ADGRL2: variants seen among roughly 807,000 people sequenced by gnomAD.
ADGRL2 encodes the protein calcium-independent alpha-latrotoxin receptor 2.
Under a neutral mutation model 157.4 loss-of-function variants are expected in ADGRL2, and 44 were observed. The observed-to-expected ratio is 0.28, with a 90% confidence interval of 0.22 to 0.36. ADGRL2 has a LOEUF of 0.36. ADGRL2 is among the 10% of genes least tolerant of loss of function. The pLI, the probability that ADGRL2 is intolerant of heterozygous loss-of-function variation, is 1.00. For synonymous variants in ADGRL2, 585 were observed against 624.7 expected, an observed-to-expected ratio of 0.94 and a Z score of 0.95; for missense variants, 1,510 against 1,768.9, an observed-to-expected ratio of 0.85 and a Z score of 2.63.
intron 1 of ADGRL2, among the ~76,000 whole-genome samples, chr1:81,749,083 T>C (rs1028311479): frequency 2.6e-5 from 4 of 152,212 alleles, no homozygotes; most frequent in Non-Finnish European, 5.9e-5. Flanking sequence ...GATAATGTAA[T>C]GCACATGGAA....
At chr1:81,980,243 G>T (rs963236008) in intron 18 of ADGRL2, among the ~76,000 whole-genome samples, 1 of 151,650 alleles carries the variant, frequency 6.6e-6, no homozygotes, top group Non-Finnish European at 1.5e-5. Context: ...AGTTCAAAAT[G>T]ATTTTCGTAT....
intron 2 of ADGRL2, among the ~76,000 whole-genome samples, chr1:81,571,880 A>G (rs1267519689): frequency 6.6e-6 from 1 of 152,176 alleles, no homozygotes; most frequent in African/African-American, 2.4e-5. Context: ...GAATTTCCAC[A>G]TGCTCCGCAC....
At chr1:81,584,750 G>A (rs1205249408) in intron 3 of ADGRL2, among the ~76,000 whole-genome samples, 2 of 152,070 alleles carry the variant, frequency 1.3e-5, no homozygotes, top group Non-Finnish European at 2.9e-5. Flanking sequence ...TAAAAGGGAC[G>A]TAGTTTCTAG....
At chr1:81,354,076 G>T (rs2100854770) in intron 1 of ADGRL2, among the ~76,000 whole-genome samples, 1 of 152,248 alleles carries the variant, frequency 6.6e-6, no homozygotes, top group South Asian at 2.1e-4. Flanking sequence ...AGTAAGAAAG[G>T]GTGGCAATAA....
intron 2 of ADGRL2, among the ~76,000 whole-genome samples, chr1:81,773,899 G>A (rs1050928444): frequency 2.6e-5 from 4 of 152,134 alleles, no homozygotes; most frequent in East Asian, 1.9e-4. Context: ...TGAGGTCATC[G>A]GGGTGGCCCC....
chr1:81,900,754 C>G (rs1572006272), intron 2 of ADGRL2, among the ~76,000 whole-genome samples: 1 of 152,168 alleles, frequency 6.6e-6, no homozygotes, highest in Non-Finnish European at 1.5e-5. Context: ...GACTTGTAAA[C>G]TACTTGAACT....
At chr1:81,963,425 G>A (rs1656089758) in intron 11 of ADGRL2, among the ~76,000 whole-genome samples, 1 of 151,852 alleles carries the variant, frequency 6.6e-6, no homozygotes, top group Admixed American at 6.6e-5. Context: ...CTAGTACAAT[G>A]CTAAATAAAA....
At chr1:81,697,345 A>G (rs1438577496), upstream of ADGRL2, among the ~76,000 whole-genome samples, 2 of 152,224 alleles carry the variant, frequency 1.3e-5, no homozygotes, top group African/African-American at 4.8e-5. Context: ...CTTATTAAAT[A>G]AGTGCTCAAT....
At chr1:81,507,876 T>C (rs2079006934) in intron 2 of ADGRL2, among the ~76,000 whole-genome samples, 2 of 152,204 alleles carry the variant, frequency 1.3e-5, no homozygotes. Context: ...AGCTACATTG[T>C]CTGTTGGGTT....
chr1:81,689,880 G>A (rs996955981), intron 3 of ADGRL2, among the ~76,000 whole-genome samples: 1 of 152,136 alleles, frequency 6.6e-6, no homozygotes, highest in African/African-American at 2.4e-5. Flanking sequence ...CACAGTCCTA[G>A]TTTTCACAAC....
At chr1:81,784,614 G>A (rs1047781584) in intron 2 of ADGRL2, among the ~76,000 whole-genome samples, 1 of 151,568 alleles carries the variant, frequency 6.6e-6, no homozygotes, top group Non-Finnish European at 1.5e-5. Context: ...TGTAATCCCA[G>A]CTATTCCGGA....
At chr1:81,655,932 C>A (rs537019970) in intron 3 of ADGRL2, among the ~76,000 whole-genome samples, 1 of 152,268 alleles carries the variant, frequency 6.6e-6, no homozygotes, top group South Asian at 2.1e-4. Context: ...TTTCAGAGCC[C>A]CAGGGTTCAA....
intron 1 of ADGRL2, among the ~76,000 whole-genome samples, chr1:81,757,708 G>T (rs2085738875): frequency 6.6e-6 from 1 of 152,200 alleles, no homozygotes; most frequent in South Asian, 2.1e-4. Flanking sequence ...CTACTTTAAA[G>T]TTAATTTGGC....
At chr1:81,896,972 A>G (rs2094401174) in intron 2 of ADGRL2, among the ~76,000 whole-genome samples, 1 of 152,204 alleles carries the variant, frequency 6.6e-6, no homozygotes, top group Admixed American at 6.5e-5. Flanking sequence ...ACTTGTCCTG[A>G]AGGAGGTCTC....
intron 3 of ADGRL2, among the ~76,000 whole-genome samples, chr1:81,642,085 CAA>C (rs35660017): frequency 7.0e-6 from 1 of 142,486 alleles, no homozygotes. Context: ...ACTAAACATA[CAA>C]AAAAAAAAAA....
intron 3 of ADGRL2, among the ~76,000 whole-genome samples, chr1:81,632,542 A>T (rs1432780488): frequency 6.6e-6 from 1 of 152,054 alleles, no homozygotes; most frequent in Non-Finnish European, 1.5e-5. Flanking sequence ...GCAGATCATG[A>T]GGTCAGGAGA....
intron 1 of ADGRL2, among the ~76,000 whole-genome samples, chr1:81,353,826 G>A (rs1170373198): frequency 6.6e-6 from 1 of 152,174 alleles, no homozygotes; most frequent in Non-Finnish European, 1.5e-5. Flanking sequence ...AGCCTTGACA[G>A]GCTAGCTGTT....
At chr1:81,822,360 G>A (rs1010374632) in intron 1 of ADGRL2, among the ~76,000 whole-genome samples, 3 of 151,274 alleles carry the variant, frequency 2.0e-5, no homozygotes, top group African/African-American at 2.4e-5. Context: ...AAGAAGTTGT[G>A]CAAGAAAAAA....
At chr1:81,552,701 G>A (rs1189883544) in intron 2 of ADGRL2, among the ~76,000 whole-genome samples, 1 of 151,244 alleles carries the variant, frequency 6.6e-6, no homozygotes, top group Non-Finnish European at 1.5e-5. Context: ...TACATGAAAG[G>A]GTTTAAGCTG....
Sources: allele counts gnomAD v4.1 joint callset (sites outside exome capture counted in the v4.1 genomes callset), GRCh38; gene constraint gnomAD v4.1.1; transcripts MANE v1.5; gene names NCBI Gene and HGNC (gene_info 2026-07-23, HGNC 2026-07-21).